DHX57: variants seen among roughly 807,000 people sequenced by gnomAD.
DHX57 encodes the protein DExH-box helicase 57.
A neutral mutation model predicts 156.2 loss-of-function variants in DHX57; 105 were observed. The ratio of observed to expected loss-of-function variants is 0.67; its 90% CI spans 0.57 to 0.79. DHX57 has a LOEUF of 0.79. Among genes scored for constraint, DHX57 ranks in the 30% least tolerant of loss-of-function variants. The probability of loss-of-function intolerance (pLI) is 0.00; values close to 1 mark genes in which losing one functional copy is unlikely to be tolerated. For missense variants in DHX57, 1,847 were observed against 1,661.9 expected, an observed-to-expected ratio of 1.11 and a Z score of -1.94; for synonymous variants, 704 against 595.6, an observed-to-expected ratio of 1.18 and a Z score of -2.65.
In DHX57 at chr2:38,798,070, G is replaced by A; in HGVS notation, c.*229C>T. On this transcript the variant is annotated 3_prime_UTR_variant, in exon 24 of 24. Coordinates refer to ENST00000457308, the MANE Select transcript of DHX57 (RefSeq NM_198963.3). ...ACAGAGACAAAGACAGGCAAGCTGGGTTTTAGGCTCTCACCCTTGACACTC... is the reference window on the plus strand; with the variant it reads ...ACAGAGACAAAGACAGGCAAGCTGGATTTTAGGCTCTCACCCTTGACACTC... 2.3e-6 allele frequency: 1 copy of A among 428,826 alleles called. No homozygotes were observed. Among genetic ancestry groups the A allele is most frequent in the Non-Finnish European group, 4.2e-6 (1 of 235,660 alleles). The allele number at this position is 428,826 out of a possible 1,614,324, so 26.6% of individuals were successfully genotyped here.
intron 17 of DHX57, among the ~76,000 whole-genome samples, chr2:38,819,791 T>C (rs1402734166): frequency 2.0e-5 from 3 of 152,222 alleles, no homozygotes; most frequent in African/African-American, 7.2e-5. Flanking sequence ...TCTTCTACGT[T>C]TGAGTCTCCC....
At chr2:38,832,546 TATATA>T (rs761266224) in intron 13 of DHX57, among the ~76,000 whole-genome samples, 28 of 80,432 alleles carry the variant, frequency 3.5e-4, no homozygotes, top group South Asian at 5.0e-4. Context: ...TATATATATA[TATATA>T]TTTTTTTTTT....
intron 13 of DHX57, among the ~76,000 whole-genome samples, chr2:38,829,181 G>A (rs926463316): frequency 6.6e-5 from 10 of 152,054 alleles, no homozygotes; most frequent in African/African-American, 1.9e-4. Flanking sequence ...GGACTCAAGT[G>A]ATCCACCCGC....
chr2:38,807,204 G>A (rs540173868), intron 21 of DHX57, among the ~76,000 whole-genome samples: 17 of 151,874 alleles, frequency 1.1e-4, no homozygotes, highest in South Asian at 4.2e-4. Context: ...ACAAGTGTGC[G>A]CCACCACACC....
At chr2:38,862,544 G>T (rs1368286735) in intron 3 of DHX57, 2 of 378,906 alleles carry the variant, frequency 5.3e-6, no homozygotes, top group Non-Finnish European at 4.5e-6. Context: ...TGCTTTATAT[G>T]AACTAACTCC....
At chr2:38,799,174 A>T (rs1338790339) in intron 23 of DHX57, among the ~76,000 whole-genome samples, 3 of 151,386 alleles carry the variant, frequency 2.0e-5, no homozygotes, top group Non-Finnish European at 4.4e-5. Flanking sequence ...GACCAGCCTG[A>T]CCAATGTGGA....
intron 8 of DHX57, 24 bp from the exon 9 acceptor site, chr2:38,854,202 A>T: frequency 6.2e-7 from 1 of 1,602,450 alleles, no homozygotes. Flanking sequence ...GGGCAATATA[A>T]ATCATTAATA....
chr2:38,874,298 C>G (rs1381030698), intron 1 of DHX57, among the ~76,000 whole-genome samples: 2 of 151,834 alleles, frequency 1.3e-5, no homozygotes, highest in Non-Finnish European at 2.9e-5. Flanking sequence ...GCTTTGCTGC[C>G]CAAGCTGGTC....
At chr2:38,837,338 C>T (rs887273234) in intron 13 of DHX57, among the ~76,000 whole-genome samples, 16 of 152,076 alleles carry the variant, frequency 1.1e-4, no homozygotes, top group East Asian at 3.9e-4. Context: ...AGGCCGGGCA[C>T]GGTGGCTCAC....
intron 21 of DHX57, chr2:38,811,281 A>G: frequency 5.8e-6 from 3 of 517,968 alleles, no homozygotes; most frequent in South Asian, 3.2e-5. Flanking sequence ...AGCGAGTAGC[A>G]GGCGAGCTCA....
chr2:38,825,436 G>A (rs1377664661), intron 16 of DHX57, among the ~76,000 whole-genome samples: 3 of 152,168 alleles, frequency 2.0e-5, no homozygotes, highest in African/African-American at 7.2e-5. Flanking sequence ...CCAAGTAGCT[G>A]GGATTACAGG....
Position 38,858,758 on chromosome 2 carries a change from A to T in DHX57, c.1490T>A (p.Val497Glu), listed in dbSNP as rs1318150997. The part of the protein sequence containing the change: ...APVIVENESY[V>E]NLKKKISKRY... The stretch of plus-strand genomic sequence containing the variant: ...TTTGGAAATCTTTTTCTTAAGGTTC[A>T]CATAGCTTTCATTCTCTACTATAAC... The change falls in exon 6 of 24, where the codon GTG becomes GAG. Residue 497 changes from valine to glutamate, a missense_variant. By Grantham distance (121) the Val-to-Glu change is moderately radical. Transcript: ENST00000457308. 2 of 1,614,142 alleles carry T rather than the reference A, an allele frequency of 1.2e-6. No homozygotes were observed. The highest frequency in any genetic ancestry group is 1.7e-6 in the Non-Finnish European group (2 of 1,180,002).
intron 1 of DHX57, 150 bp from the exon 2 acceptor site, chr2:38,868,561 C>T: frequency 1.2e-6 from 1 of 855,848 alleles, no homozygotes; most frequent in Non-Finnish European, 1.7e-6. Flanking sequence ...GATTCTGAAT[C>T]TGTTCCAGTG....
At chr2:38,818,716 T>C (rs545131631) in intron 19 of DHX57, among the ~76,000 whole-genome samples, 161 bp downstream of exon 19, 2 of 152,330 alleles carry the variant, frequency 1.3e-5, no homozygotes, top group South Asian at 4.1e-4. Flanking sequence ...GAAAGCCTGA[T>C]GCCACAGTGC....
chr2:38,873,809 T>G (rs1335413538), intron 1 of DHX57, among the ~76,000 whole-genome samples: 2 of 152,156 alleles, frequency 1.3e-5, no homozygotes, highest in African/African-American at 4.8e-5. Flanking sequence ...TATTATAACT[T>G]AAGTGCTATC....
intron 10 of DHX57, among the ~76,000 whole-genome samples, chr2:38,847,981 G>A (rs1444564942): frequency 1.3e-5 from 2 of 151,924 alleles, no homozygotes; most frequent in Non-Finnish European, 1.5e-5. Context: ...TACTCGGGAG[G>A]CTGAGGCAGG....
intron 10 of DHX57, 70 bp from the exon 11 acceptor site, chr2:38,847,143 A>G (rs1672330870): frequency 2.4e-6 from 3 of 1,238,818 alleles, no homozygotes; most frequent in Admixed American, 4.2e-5. Flanking sequence ...TAGTTTATAT[A>G]TATAAAATTC....
intron 22 of DHX57, chr2:38,803,123 TAAA>T: frequency 8.6e-6 from 4 of 464,290 alleles, no homozygotes; most frequent in Non-Finnish European, 3.8e-6. Flanking sequence ...CACTTGTGTT[TAAA>T]AAAAAAAAAG....
At position 38,813,727 on chromosome 2, in the gene DHX57, C is replaced by A. The variant is rs530647122; in HGVS notation, c.3681+94G>T. 18 of 1,421,888 alleles carry A rather than the reference C, an allele frequency of 1.3e-5. No homozygotes were observed. In the African/African-American group the frequency reaches 2.6e-4, roughly 20 times the overall value. The allele number at this position is 1,421,888 out of a possible 1,614,324, so 88.1% of individuals were successfully genotyped here. A position where few individuals can be genotyped will look rare whatever the true frequency, so the allele number is the denominator to read the frequency against. ...CGTGTGTGCACACATGCGTATATAT[C>A]TCTTTAAGATGATTAATATGCACAT... is the stretch of plus-strand genomic sequence containing the variant. On this transcript the variant is annotated intron_variant, in intron 21 of 23. Coordinates refer to ENST00000457308, the MANE Select transcript of DHX57 (RefSeq NM_198963.3).
Sources: gnomAD v4.1 joint callset for allele counts (sites outside exome capture counted in the v4.1 genomes callset) on GRCh38, gnomAD v4.1.1 for gene constraint, MANE v1.5 for transcripts, NCBI Gene and HGNC (gene_info 2026-07-23, HGNC 2026-07-21) for gene names.